The following PRKG2 variants were observed in gnomAD, a reference collection of about 807,000 sequenced individuals.
PRKG2 encodes cGMP-dependent protein kinase 2.
A neutral mutation model predicts 97.2 loss-of-function variants in PRKG2; 33 were observed. The observed-to-expected ratio is 0.34, with a 90% CI of 0.26 to 0.45. The LOEUF (loss-of-function observed/expected upper bound fraction) is 0.45. Ranked by LOEUF, PRKG2 falls within the 20% of genes least tolerant of loss-of-function variation. PRKG2 has a pLI of 1.00. For synonymous variants in PRKG2, 330 were observed against 321.8 expected (o/e 1.03, Z -0.27); for missense variants, 638 against 900.0 (o/e 0.71, Z 3.73).
At chr4:81,114,264 C>T (rs572278237) in intron 14 of PRKG2, among the ~76,000 whole-genome samples, 3 of 151,688 alleles carry the variant, frequency 2.0e-5, no homozygotes, top group African/African-American at 7.3e-5. Context: ...GGCAATGTAT[C>T]CTATACATTT....
intron 2 of PRKG2, among the ~76,000 whole-genome samples, chr4:81,200,477 TCTTA>T (rs1449551531): frequency 3.9e-5 from 6 of 152,118 alleles, no homozygotes; most frequent in Non-Finnish European, 5.9e-5. Flanking sequence ...GCACCACCAC[TCTTA>T]CTATCAATCA....
chr4:81,181,446 C>T (rs527445856), intron 2 of PRKG2, among the ~76,000 whole-genome samples: 10 of 149,982 alleles, frequency 6.7e-5, no homozygotes, highest in Non-Finnish European at 1.0e-4. Context: ...TATAAATGAG[C>T]GTCCTAAGCG....
chr4:81,162,220 T>C (rs962865983), intron 6 of PRKG2, among the ~76,000 whole-genome samples: 1 of 152,182 alleles, frequency 6.6e-6, no homozygotes, highest in Non-Finnish European at 1.5e-5. Context: ...GCACACCAGG[T>C]ACCCGGTGAC....
chr4:81,104,055 CAAACAAAA>C (rs1258962441), intron 17 of PRKG2, among the ~76,000 whole-genome samples: 1 of 151,782 alleles, frequency 6.6e-6, no homozygotes, highest in African/African-American at 2.4e-5. Context: ...AACAAACAAA[CAAACAAAA>C]AAACCTAAAG....
chr4:81,217,031 G>GTATATATATA (rs35897460), upstream of PRKG2, among the ~76,000 whole-genome samples: 10,612 of 114,750 alleles, frequency 0.092, 637 homozygotes, highest in Middle Eastern at 0.14. Context: ...TATATATTTT[G>GTATATATATA]TATATATATA....
rs1458122727 is a variant in PRKG2 at position 81,189,860 on chromosome 4, C to T, written c.461+14727G>A. Reference sequence around the variant, plus strand: ...AAAGAGAATAAAATACCAAGGAATACAACTTACAAGGGATGTGAAGGACCT... The same window carrying T: ...AAAGAGAATAAAATACCAAGGAATATAACTTACAAGGGATGTGAAGGACCT... On this transcript the variant is annotated intron_variant, in intron 2 of 18. Coordinates refer to ENST00000264399, the MANE Select transcript of PRKG2 (RefSeq NM_006259.3). 2.0e-5 allele frequency among the ~76,000 whole-genome samples: 3 copies of T among 152,194 alleles called. No individual in the cohort carries two copies. In the East Asian group the frequency reaches 5.8e-4, roughly 29 times the overall value.
chr4:81,212,901 G>A (rs192037346), intron 1 of PRKG2, among the ~76,000 whole-genome samples: 7 of 152,272 alleles, frequency 4.6e-5, no homozygotes, highest in African/African-American at 1.7e-4. Context: ...AACACTGCAG[G>A]ATAGCATCTC....
At position 81,170,099 on chromosome 4, in the gene PRKG2, A is replaced by G. The variant is rs188508814; in HGVS notation, c.743-331T>C. On this transcript the variant is annotated intron_variant, in intron 4 of 18. Transcript: ENST00000264399. ...TGCTCTAGATTTCTGCTGTAATACA[A>G]GAGAAAGGCAGTCAATTTGTAGCTA... Among the ~76,000 whole-genome samples the G allele has an allele frequency of 3.5e-4, 53 of 152,246 alleles. 1 individual carries two copies. In the East Asian group the frequency reaches 7.4e-3, roughly 21 times the overall value.
chr4:81,196,124 C>G (rs1752946884), intron 2 of PRKG2, among the ~76,000 whole-genome samples: 1 of 152,196 alleles, frequency 6.6e-6, no homozygotes, highest in East Asian at 1.9e-4. Context: ...TAGGCAGCCT[C>G]TAGGAGCTGA....
chr4:81,199,515 C>T (rs1753170702), intron 2 of PRKG2, among the ~76,000 whole-genome samples: 2 of 152,036 alleles, frequency 1.3e-5, no homozygotes, highest in African/African-American at 4.8e-5. Flanking sequence ...TCTACATAAC[C>T]TTTGGCAGGT....
chr4:81,207,024 T>A (rs1313617521), intron 1 of PRKG2, among the ~76,000 whole-genome samples: 1 of 152,222 alleles, frequency 6.6e-6, no homozygotes, highest in Non-Finnish European at 1.5e-5. Flanking sequence ...ACCTTTAAGT[T>A]TCTGTTGACT....
intron 2 of PRKG2, among the ~76,000 whole-genome samples, chr4:81,203,932 T>A (rs1452471657): frequency 6.6e-6 from 1 of 152,208 alleles, no homozygotes; most frequent in East Asian, 1.9e-4. Context: ...GTTGTCTCCC[T>A]GACCTCCTTT....
At chr4:81,136,870 A>G (rs529948418) in intron 13 of PRKG2, among the ~76,000 whole-genome samples, 1 of 152,318 alleles carries the variant, frequency 6.6e-6, no homozygotes, top group South Asian at 2.1e-4. Context: ...TTTGGTTAGA[A>G]AAGTACACAC....
intron 14 of PRKG2, among the ~76,000 whole-genome samples, chr4:81,128,510 C>T (rs905373738): frequency 2.0e-5 from 3 of 152,110 alleles, no homozygotes; most frequent in Non-Finnish European, 4.4e-5. Flanking sequence ...AATTTCAGAA[C>T]TTGTTATTCA....
intron 11 of PRKG2, among the ~76,000 whole-genome samples, chr4:81,141,632 A>T (rs1747300786): frequency 1.3e-5 from 2 of 152,356 alleles, no homozygotes; most frequent in Non-Finnish European, 2.9e-5. Context: ...TACATTGTGC[A>T]GAAATGGCTG....
At chr4:81,149,182 G>C (rs1748146460) in intron 8 of PRKG2, among the ~76,000 whole-genome samples, 1 of 152,060 alleles carries the variant, frequency 6.6e-6, no homozygotes, top group African/African-American at 2.4e-5. Flanking sequence ...AATTGCACTG[G>C]GAACAGAGAA....
At chr4:81,106,536 G>A (rs536074871) in intron 15 of PRKG2, among the ~76,000 whole-genome samples, 46 of 152,172 alleles carry the variant, frequency 3.0e-4, no homozygotes, top group Non-Finnish European at 5.3e-4. Context: ...CCAGAGTAAG[G>A]TTTTCCTAAT....
intron 6 of PRKG2, among the ~76,000 whole-genome samples, chr4:81,154,429 G>C (rs1263309362): frequency 2.6e-5 from 4 of 150,982 alleles, no homozygotes; most frequent in Non-Finnish European, 4.4e-5. Context: ...ATCTGAGAAC[G>C]GGCAGACTGC....
intron 6 of PRKG2, among the ~76,000 whole-genome samples, chr4:81,165,853 T>G (rs1749935754): frequency 6.6e-6 from 1 of 152,122 alleles, no homozygotes; most frequent in African/African-American, 2.4e-5. Context: ...TTTTCATATT[T>G]GCTGTCAACA....
Sources: gnomAD v4.1 joint callset for allele counts (sites outside exome capture counted in the v4.1 genomes callset) on GRCh38, gnomAD v4.1.1 for gene constraint, MANE v1.5 for transcripts, NCBI Gene and HGNC (gene_info 2026-07-23, HGNC 2026-07-21) for gene names.